The following ANXA8 variants were observed in gnomAD, a reference collection of about 807,000 sequenced individuals.
ANXA8 encodes annexin A8.
A neutral mutation model predicts 26.8 loss-of-function variants in ANXA8; 9 were observed. The ratio of observed to expected loss-of-function variants is 0.34; its 90% CI spans 0.20 to 0.59. The LOEUF (loss-of-function observed/expected upper bound fraction) is 0.59. ANXA8 is among the 20% of genes least tolerant of loss of function. The pLI is 0.84. For synonymous variants in ANXA8, 39 were observed against 94.8 expected (o/e 0.41, Z 3.42); for missense variants, 83 against 238.5 (o/e 0.35, Z 4.29).
chr10:47,937,041 G>T, the ANXA8 span, among the ~76,000 whole-genome samples: 255 of 150,046 alleles, frequency 1.7e-3, 6 homozygotes, highest in African/African-American at 5.7e-3. Flanking sequence ...GAGGAAGGCA[G>T]GCACCTTGAG....
chr10:47,497,575 T>C, the ANXA8 span, among the ~76,000 whole-genome samples: 1 of 147,958 alleles, frequency 6.8e-6, no homozygotes, highest in Non-Finnish European at 1.5e-5. Context: ...GCCGAGATCC[T>C]GCCATTGCAC....
the ANXA8 span, among the ~76,000 whole-genome samples, chr10:47,778,828 A>G: frequency 6.6e-6 from 1 of 151,516 alleles, no homozygotes; most frequent in Non-Finnish European, 1.5e-5. Flanking sequence ...CCAATTAGGT[A>G]TTTTTCTGCT....
At chr10:47,685,457 G>T in the ANXA8 span, among the ~76,000 whole-genome samples, 2 of 151,618 alleles carry the variant, frequency 1.3e-5, no homozygotes, top group Non-Finnish European at 1.5e-5. Context: ...GAATTCTCAG[G>T]ACTGCTTCGT....
chr10:47,894,618 A>G, the ANXA8 span, among the ~76,000 whole-genome samples: 4 of 79,970 alleles, frequency 5.0e-5, no homozygotes, highest in Admixed American at 1.3e-4. Flanking sequence ...CACACACACT[A>G]CACACACCAC....
the ANXA8 span, among the ~76,000 whole-genome samples, chr10:47,956,627 C>A: frequency 4.0e-5 from 6 of 150,938 alleles, no homozygotes; most frequent in African/African-American, 1.5e-4. Context: ...CCCATCCCCA[C>A]TGGCGTTCCC....
At chr10:47,546,414 T>C in the ANXA8 span, among the ~76,000 whole-genome samples, 608 of 114,018 alleles carry the variant, frequency 5.3e-3, 11 homozygotes, top group African/African-American at 0.022. Flanking sequence ...TTTTTTTTTT[T>C]TTTTTTGAGA....
At chr10:47,511,904 GC>G in the ANXA8 span, among the ~76,000 whole-genome samples, 17 of 57,814 alleles carry the variant, frequency 2.9e-4, no homozygotes, top group Non-Finnish European at 6.7e-5. Flanking sequence ...GTAAGGGAGG[GC>G]CCTTACTCTT....
At chr10:47,947,655 T>C in the ANXA8 span, among the ~76,000 whole-genome samples, 72 of 150,840 alleles carry the variant, frequency 4.8e-4, no homozygotes, top group Middle Eastern at 3.4e-3. Flanking sequence ...ATGTGAAGGA[T>C]GTGTTTGCTT....
chr10:47,739,902 G>A, the ANXA8 span, among the ~76,000 whole-genome samples: 1 of 139,178 alleles, frequency 7.2e-6, no homozygotes, highest in Non-Finnish European at 1.6e-5. Context: ...AGACCAGCCT[G>A]GACAACATAG....
chr10:47,769,020 G>A, the ANXA8 span, among the ~76,000 whole-genome samples: 2 of 146,628 alleles, frequency 1.4e-5, no homozygotes, highest in African/African-American at 2.6e-5. Flanking sequence ...GAATGAAAGA[G>A]CCGGTGTGTG....
chr10:47,669,194 C>T, the ANXA8 span, among the ~76,000 whole-genome samples: 1 of 151,644 alleles, frequency 6.6e-6, no homozygotes, highest in Admixed American at 6.6e-5. Flanking sequence ...TAGGAAGGTA[C>T]TGAGAGATTG....
At chr10:47,487,761 C>T (rs1186089380), upstream of ANXA8, among the ~76,000 whole-genome samples, 2 of 142,952 alleles carry the variant, frequency 1.4e-5, no homozygotes, top group African/African-American at 5.1e-5. Context: ...TTTCTTTTGG[C>T]TTGGTTTATA....
chr10:47,736,493 A>G, the ANXA8 span, among the ~76,000 whole-genome samples: 1 of 95,912 alleles, frequency 1.0e-5, no homozygotes, highest in South Asian at 4.3e-4. Context: ...CTTGAATCCT[A>G]CTTTTAAAAT....
chr10:47,915,100 G>A, the ANXA8 span, among the ~76,000 whole-genome samples: 1 of 151,914 alleles, frequency 6.6e-6, no homozygotes, highest in Non-Finnish European at 1.5e-5. Context: ...CTATATGTGA[G>A]TGGACCATGC....
chr10:47,488,410 C>A (rs1459448410), upstream of ANXA8, among the ~76,000 whole-genome samples: 100 of 140,594 alleles, frequency 7.1e-4, 1 homozygote, highest in African/African-American at 2.6e-3. Context: ...GGGGTTTTAC[C>A]ATATTGGTCA....
At chr10:47,497,422 C>T in the ANXA8 span, among the ~76,000 whole-genome samples, 2 of 145,118 alleles carry the variant, frequency 1.4e-5, no homozygotes, top group Admixed American at 7.0e-5. Flanking sequence ...TGGAGACCAG[C>T]CTGACCAACA....
At chr10:47,661,575 C>A in the ANXA8 span, among the ~76,000 whole-genome samples, 6 of 98,506 alleles carry the variant, frequency 6.1e-5, no homozygotes, top group Non-Finnish European at 1.1e-4. Flanking sequence ...CCTGCCACCA[C>A]GCTTGGCTAA....
the ANXA8 span, among the ~76,000 whole-genome samples, chr10:47,955,316 C>CAGCTTGAAAATGTCTCAGCTTGGGTA: frequency 1.3e-5 from 2 of 149,990 alleles, no homozygotes; most frequent in African/African-American, 4.9e-5. Flanking sequence ...GGGTATGTCT[C>CAGCTTGAAAATGTCTCAGCTTGGGTA]TATCAGCAGC....
At chr10:47,937,609 C>T in the ANXA8 span, among the ~76,000 whole-genome samples, 44 of 135,490 alleles carry the variant, frequency 3.2e-4, 1 homozygote, top group South Asian at 0.01. Context: ...TGATCCTCTC[C>T]CTCCTCCTAC....
Sources: allele counts gnomAD v4.1 joint callset (sites outside exome capture counted in the v4.1 genomes callset), GRCh38; gene constraint gnomAD v4.1.1; transcripts MANE v1.5; gene names NCBI Gene and HGNC (gene_info 2026-07-23, HGNC 2026-07-21).